The following KCNQ2 variants were observed in gnomAD, a reference collection of about 807,000 sequenced individuals.
KCNQ2 encodes potassium voltage-gated channel subfamily Q member 2.
KCNQ2 carries 14 observed loss-of-function variants against 84.8 expected under a neutral mutation model. The observed-to-expected ratio is 0.17, with a 90% CI of 0.11 to 0.26. The LOEUF is 0.26. KCNQ2 is among the 10% of genes least tolerant of loss of function. The pLI is 1.00. For synonymous variants in KCNQ2, 599 were observed against 554.1 expected, an observed-to-expected ratio of 1.08 and a Z score of -1.14; for missense variants, 788 against 1,254.0, an observed-to-expected ratio of 0.63 and a Z score of 5.61.
rs1266831587 is a variant in KCNQ2, at chr20:63,438,899, C to G, written c.928-179G>C. On this transcript the variant is annotated intron_variant, in intron 6 of 16. Transcript: ENST00000359125. This position sits in a 1 kb window ranked among gnomAD's most constrained non-coding sequence, Gnocchi z 5.1. ...GACCACGCCCCAGGGACTCACACAC[C>G]CCCCAGTTCATCAGGGTCAGACCCG... is the stretch of plus-strand genomic sequence containing the variant. 6.6e-6 allele frequency among the ~76,000 whole-genome samples: 1 copy of G among 151,524 alleles called. No homozygotes were observed. The highest frequency in any genetic ancestry group is 1.5e-5 in the Non-Finnish European group (1 of 67,868).
rs2079864731 is a variant in KCNQ2 at position 63,404,064 on chromosome 20, T to C, written c.*2580A>G. ...TCCCTCTTCCCAGGGCCCAGAGACTTCCCAGGGGACACACCACACGTTCCT... is the reference window on the plus strand; with the variant it reads ...TCCCTCTTCCCAGGGCCCAGAGACTCCCCAGGGGACACACCACACGTTCCT... On this transcript the variant is annotated 3_prime_UTR_variant, in exon 17 of 17. Transcript: ENST00000359125. 6.6e-6 allele frequency: 1 copy of C among 152,376 alleles called. No individual in the cohort carries two copies. The highest frequency in any genetic ancestry group is 2.4e-5 in the African/African-American group (1 of 41,438). The allele number at this position is 152,376 out of a possible 1,614,324, so 9.4% of individuals were successfully genotyped here. A position where few individuals can be genotyped will look rare whatever the true frequency, so the allele number is the denominator to read the frequency against.
At position 63,424,171 on chromosome 20, in the gene KCNQ2, A is replaced by T; in HGVS notation, c.1247+6T>A. 6.4e-7 allele frequency: 1 copy of T among 1,556,132 alleles called. No individual in the cohort carries two copies. The highest frequency in any genetic ancestry group is 1.2e-5 in the South Asian group (1 of 84,368). ...AGACACCAGGGTAGCAGCAGGGGGC[A>T]CTGACCTTGGAGACGGCTCCGGCGG... On this transcript the variant is annotated splice_donor_region_variant and intron_variant, in intron 11 of 16. Transcript: ENST00000359125.
chr20:63,461,587 C>T (rs1430378063), intron 1 of KCNQ2, among the ~76,000 whole-genome samples: 10 of 152,188 alleles, frequency 6.6e-5, no homozygotes, highest in Admixed American at 3.9e-4. Flanking sequence ...GCCGGCCCTC[C>T]TCCCCCATCC....
At chr20:63,412,839 G>A (rs1269842819) in intron 15 of KCNQ2, among the ~76,000 whole-genome samples, 1 of 152,218 alleles carries the variant, frequency 6.6e-6, no homozygotes, top group Non-Finnish European at 1.5e-5. Flanking sequence ...CCCATTACAG[G>A]CAACATAAAC....
intron 1 of KCNQ2, among the ~76,000 whole-genome samples, chr20:63,465,557 C>T (rs1006274692): frequency 1.7e-4 from 26 of 152,326 alleles, no homozygotes; most frequent in African/African-American, 6.0e-4. Flanking sequence ...AGAGAAAGCT[C>T]GGCACACGGG....
intron 1 of KCNQ2, among the ~76,000 whole-genome samples, chr20:63,457,956 G>A (rs1269901981): frequency 3.3e-5 from 5 of 152,150 alleles, no homozygotes; most frequent in Non-Finnish European, 5.9e-5. Flanking sequence ...CGGAAGCTCC[G>A]CAGGGCTCAT....
chr20:63,439,754 CCT>C (rs747753473), intron 5 of KCNQ2, 46 bp from the exon 6 acceptor site: 16 of 1,445,318 alleles, frequency 1.1e-5, no homozygotes, highest in Middle Eastern at 3.5e-4. Flanking sequence ...TGCTCACACC[CCT>C]GAGGGCAGGC....
chr20:63,420,304 C>T (rs1282955670), intron 11 of KCNQ2, among the ~76,000 whole-genome samples: 8 of 152,246 alleles, frequency 5.3e-5, no homozygotes, highest in Non-Finnish European at 5.9e-5. Context: ...CCCGCCGGGG[C>T]GTTCCTTAGA....
rs1338287010 is a variant in KCNQ2, at chr20:63,444,846, G to A, written c.515-12C>T. On this transcript the variant is annotated splice_polypyrimidine_tract_variant and intron_variant, in intron 3 of 16. Transcript: ENST00000359125. The stretch of plus-strand genomic sequence containing the variant: ...GAGCACCATGATGTCTACAAAGCGG[G>A]CGTGGAGCTGGTGAGCTGCTGGGCC... 6.3e-7 allele frequency: 1 copy of A among 1,579,676 alleles called. No homozygotes were observed. Among genetic ancestry groups the A allele is most frequent in the Admixed American group, 1.7e-5 (1 of 57,254 alleles).
rs777398523 is a variant in KCNQ2, at chr20:63,402,439, G to T, written c.*4205C>A. The T allele has an allele frequency of 6.6e-6, 1 of 152,442 alleles. No individual in the cohort carries two copies. Among genetic ancestry groups the T allele is most frequent in the Admixed American group, 6.5e-5 (1 of 15,282 alleles). 9.4% of individuals were successfully genotyped at this position (152,442 alleles called of 1,614,324 possible). A position where few individuals can be genotyped will look rare whatever the true frequency, so the allele number is the denominator to read the frequency against. ...GCTCTCACAGCTCCTTCTGCTCCTC[G>T]GCTTCTGGGAAGCAACTAGAAATAG... On this transcript the variant is annotated 3_prime_UTR_variant, in exon 17 of 17. Transcript: ENST00000359125.
chr20:63,411,767 A>G, intron 15 of KCNQ2: 1 of 601,236 alleles, frequency 1.7e-6, no homozygotes, highest in Non-Finnish European at 3.0e-6. Context: ...AGGCGCTGGC[A>G]TCCTAACCTA....
At chr20:63,454,225 C>A (rs1015700531) in intron 1 of KCNQ2, among the ~76,000 whole-genome samples, 1 of 152,240 alleles carries the variant, frequency 6.6e-6, no homozygotes, top group East Asian at 1.9e-4. Flanking sequence ...CATCTGCCCC[C>A]GCCTCGCCGG....
chr20:63,439,113 G>T (rs1024756342), intron 6 of KCNQ2, among the ~76,000 whole-genome samples: 1 of 152,198 alleles, frequency 6.6e-6, no homozygotes, highest in African/African-American at 2.4e-5. Context: ...CATCTTGAAG[G>T]GCACACAGTG....
intron 4 of KCNQ2, among the ~76,000 whole-genome samples, chr20:63,442,966 C>G (rs1426215762): frequency 8.8e-6 from 1 of 113,136 alleles, no homozygotes; most frequent in Non-Finnish European, 1.9e-5. Flanking sequence ...CCATCACCAC[C>G]ACCACCACCA....
Position 63,406,329 on chromosome 20 carries a change from C to T in KCNQ2, c.*315G>A. 2.7e-6 allele frequency: 1 copy of T among 366,744 alleles called. No homozygotes were observed. Among genetic ancestry groups the T allele is most frequent in the Non-Finnish European group, 5.0e-6 (1 of 198,752 alleles). 22.7% of individuals were successfully genotyped at this position (366,744 alleles called of 1,614,324 possible). On this transcript the variant is annotated 3_prime_UTR_variant, in exon 17 of 17. Coordinates refer to ENST00000359125, the MANE Select transcript of KCNQ2 (RefSeq NM_172107.4). The stretch of plus-strand genomic sequence containing the variant: ...CCACGCTGGCAACACCCCGTCATCA[C>T]TCCCGCCCCTCCTCACACCGGGCTG...
intron 1 of KCNQ2, among the ~76,000 whole-genome samples, chr20:63,449,630 C>G (rs1385664622): frequency 6.6e-6 from 1 of 151,326 alleles, no homozygotes; most frequent in Non-Finnish European, 1.5e-5. Flanking sequence ...GTGGGAGAGC[C>G]CCTGGGGAGC....
At chr20:63,419,318 A>T (rs1001064891) in intron 12 of KCNQ2, among the ~76,000 whole-genome samples, 1 of 152,200 alleles carries the variant, frequency 6.6e-6, no homozygotes, top group Non-Finnish European at 1.5e-5. Flanking sequence ...CCTGAAGAGC[A>T]GTCGGGGACC....
intron 10 of KCNQ2, 135 bp downstream of exon 10, chr20:63,428,232 C>T: frequency 2.9e-6 from 2 of 698,656 alleles, no homozygotes; most frequent in Non-Finnish European, 5.2e-6. Flanking sequence ...ACCACCATCA[C>T]CAAGTCCAGC....
intron 15 of KCNQ2, chr20:63,410,032 T>C: frequency 3.6e-6 from 1 of 277,802 alleles, no homozygotes; most frequent in Non-Finnish European, 7.0e-6. Flanking sequence ...ACAGAGAGGG[T>C]TTCAGGCTCG....
Sources: allele counts gnomAD v4.1 joint callset (sites outside exome capture counted in the v4.1 genomes callset), GRCh38; gene constraint gnomAD v4.1.1; non-coding constraint Gnocchi (gnomAD v3.1); transcripts MANE v1.5; gene names NCBI Gene and HGNC (gene_info 2026-07-23, HGNC 2026-07-21).